The following QTMAN variants were observed in gnomAD, a reference collection of about 807,000 sequenced individuals.
QTMAN encodes the protein tRNA-queuosine alpha-mannosyltransferase.
At chr2:144,143,388 T>C in the QTMAN span, among the ~76,000 whole-genome samples, 1 of 151,954 alleles carries the variant, frequency 6.6e-6, no homozygotes, top group African/African-American at 2.4e-5. Context: ...GCTTATAGAA[T>C]AGGAATGCCG....
the QTMAN span, among the ~76,000 whole-genome samples, chr2:144,314,905 A>T: frequency 6.6e-6 from 1 of 152,120 alleles, no homozygotes; most frequent in Non-Finnish European, 1.5e-5. Flanking sequence ...ATTTATTTTG[A>T]GACAGGGTCT....
chr2:144,058,173 G>A, the QTMAN span, among the ~76,000 whole-genome samples: 2 of 94,786 alleles, frequency 2.1e-5, no homozygotes, highest in South Asian at 3.6e-4. Flanking sequence ...CACACACAAA[G>A]AAACTTTTGG....
At chr2:144,029,398 C>A in the QTMAN span, among the ~76,000 whole-genome samples, 2 of 152,176 alleles carry the variant, frequency 1.3e-5, no homozygotes, top group Non-Finnish European at 2.9e-5. Flanking sequence ...TCACCTTGCA[C>A]TGTTGGCTAC....
chr2:144,105,374 G>T, the QTMAN span, among the ~76,000 whole-genome samples: 1 of 152,158 alleles, frequency 6.6e-6, no homozygotes, highest in Non-Finnish European at 1.5e-5. Context: ...TAGACGAATG[G>T]CTAACTAGAA....
chr2:144,136,691 T>C, the QTMAN span, among the ~76,000 whole-genome samples: 1 of 152,114 alleles, frequency 6.6e-6, no homozygotes, highest in Non-Finnish European at 1.5e-5. Context: ...CTCCCTTTTT[T>C]CTCTGCCTCT....
chr2:144,154,168 T>C, the QTMAN span, among the ~76,000 whole-genome samples: 1 of 152,224 alleles, frequency 6.6e-6, no homozygotes, highest in Non-Finnish European at 1.5e-5. Context: ...TGAATAGTTT[T>C]ATTTCAACCC....
chr2:144,115,290 CTCTT>C, the QTMAN span, among the ~76,000 whole-genome samples: 1 of 152,140 alleles, frequency 6.6e-6, no homozygotes, highest in Non-Finnish European at 1.5e-5. Flanking sequence ...CGGTGGTTGT[CTCTT>C]TCTTAGTGAT....
At chr2:144,308,598 T>C in the QTMAN span, among the ~76,000 whole-genome samples, 11 of 152,288 alleles carry the variant, frequency 7.2e-5, no homozygotes, top group East Asian at 1.5e-3. Context: ...AGAGACCTAA[T>C]GTAAAAGCCA....
the QTMAN span, among the ~76,000 whole-genome samples, chr2:144,221,381 A>T: frequency 6.6e-6 from 1 of 152,270 alleles, no homozygotes; most frequent in Non-Finnish European, 1.5e-5. Context: ...ATGATTAATG[A>T]TCAAAAAATA....
the QTMAN span, among the ~76,000 whole-genome samples, chr2:144,312,473 A>C: frequency 6.6e-6 from 1 of 152,154 alleles, no homozygotes; most frequent in African/African-American, 2.4e-5. Flanking sequence ...AAAAAAAGTC[A>C]TGCCTTCTTA....
At chr2:144,208,276 C>A in the QTMAN span, among the ~76,000 whole-genome samples, 3 of 152,160 alleles carry the variant, frequency 2.0e-5, no homozygotes, top group Non-Finnish European at 2.9e-5. Context: ...TAGTACAGAG[C>A]AGATACAATG....
chr2:144,017,615 A>G, the QTMAN span, among the ~76,000 whole-genome samples: 12 of 152,330 alleles, frequency 7.9e-5, no homozygotes, highest in East Asian at 1.2e-3. Flanking sequence ...AGTCTTTTCT[A>G]TAAGAATCAA....
chr2:144,331,413 G>A, the QTMAN span, among the ~76,000 whole-genome samples: 9 of 151,074 alleles, frequency 6.0e-5, no homozygotes, highest in Non-Finnish European at 1.3e-4. Context: ...TCAGGGGTAG[G>A]CACCAAATAA....
the QTMAN span, among the ~76,000 whole-genome samples, chr2:144,052,736 C>T: frequency 2.0e-5 from 3 of 152,222 alleles, no homozygotes; most frequent in Non-Finnish European, 4.4e-5. Flanking sequence ...ACCGCAACCT[C>T]TGCCTCCTGG....
chr2:144,231,934 CA>C, the QTMAN span, among the ~76,000 whole-genome samples: 2 of 149,490 alleles, frequency 1.3e-5, no homozygotes, highest in African/African-American at 4.9e-5. Flanking sequence ...GACCTTGGCA[CA>C]GGGGATTCAA....
At chr2:143,994,132 A>T in the QTMAN span, among the ~76,000 whole-genome samples, 4 of 152,200 alleles carry the variant, frequency 2.6e-5, no homozygotes, top group Admixed American at 2.6e-4. Context: ...AGAATGCCCT[A>T]TATCAGGTTT....
At chr2:144,135,102 T>G in the QTMAN span, among the ~76,000 whole-genome samples, 99 of 152,192 alleles carry the variant, frequency 6.5e-4, no homozygotes, top group African/African-American at 2.3e-3. Context: ...TTGGGAGGAG[T>G]TGGTCTTTTT....
chr2:144,198,363 T>C, the QTMAN span, among the ~76,000 whole-genome samples: 1 of 152,208 alleles, frequency 6.6e-6, no homozygotes, highest in Non-Finnish European at 1.5e-5. Flanking sequence ...TGATATCAGA[T>C]GCCTTTTGCT....
the QTMAN span, among the ~76,000 whole-genome samples, chr2:144,059,473 T>C: frequency 5.3e-5 from 8 of 152,100 alleles, no homozygotes; most frequent in Admixed American, 5.2e-4. Flanking sequence ...TTCATAAATA[T>C]CTGTTAAATA....
Sources: allele counts gnomAD v4.1 joint callset (sites outside exome capture counted in the v4.1 genomes callset), GRCh38; gene constraint gnomAD v4.1.1; transcripts MANE v1.5; gene names NCBI Gene and HGNC (gene_info 2026-07-23, HGNC 2026-07-21).